Variants in LRRC41 observed in about 807,000 individuals in gnomAD.
LRRC41 encodes the protein leucine rich repeat containing 41, also known as leucine-rich repeat-containing protein 41.
LRRC41 carries 17 observed loss-of-function variants against 72.1 expected under a neutral mutation model. That is an observed-to-expected ratio of 0.24 (90% CI 0.16 to 0.35). The LOEUF (loss-of-function observed/expected upper bound fraction) is 0.35, where lower values mean the gene tolerates loss of function less well. Among genes scored for constraint, LRRC41 ranks in the 10% least tolerant of loss-of-function variants. The probability of loss-of-function intolerance (pLI) is 1.00; values close to 1 mark genes in which losing one functional copy is unlikely to be tolerated. For missense variants in LRRC41, 759 were observed against 1,065.0 expected, an observed-to-expected ratio of 0.71 and a Z score of 4.00; for synonymous variants, 427 against 431.0, an observed-to-expected ratio of 0.99 and a Z score of 0.11.
chr1:46,280,377 C>T lies in LRRC41; in HGVS notation c.1921+19G>A. On this transcript the variant is annotated intron_variant, in intron 6 of 9. Transcript: ENST00000617190. ...TCCCCACCTACTCCTCTCCCTTCACCATTCTGGCTGGGTCCTACCTTTGAG... is the reference window on the plus strand; with the variant it reads ...TCCCCACCTACTCCTCTCCCTTCACTATTCTGGCTGGGTCCTACCTTTGAG... 1 of 1,614,150 alleles carries T rather than the reference C, an allele frequency of 6.2e-7. No individual in the cohort carries two copies. The highest frequency in any genetic ancestry group is 8.5e-7 in the Non-Finnish European group (1 of 1,180,020).
chr1:46,285,300 A>G lies in LRRC41; in HGVS notation c.1495+62T>C, dbSNP rs1387435564. On this transcript the variant is annotated intron_variant, in intron 4 of 9. Transcript: ENST00000617190. This position sits in a 1 kb window ranked among gnomAD's most constrained non-coding sequence, Gnocchi z 5.3. ...TTGCCCCTCCCACCTCCCTAGAATT[A>G]GGCACACAGCTGGTGCTGCTAGGCA... 7.0e-6 allele frequency: 11 copies of G among 1,563,056 alleles called. No individual in the cohort carries two copies. Among genetic ancestry groups the G allele is most frequent in the Non-Finnish European group, 9.6e-6 (11 of 1,146,468 alleles).
At chr1:46,298,450 C>T in intron 1 of LRRC41, 80 bp from the exon 2 acceptor site, 1 of 795,732 alleles carries the variant, frequency 1.3e-6, no homozygotes, top group Non-Finnish European at 2.0e-6. Context: ...ATTTATTCTA[C>T]TGGAAAGGAA....
chr1:46,302,860 CT>C lies in LRRC41; in HGVS notation c.199+263del. 6 of 985,440 alleles carry C rather than the reference CT, an allele frequency of 6.1e-6. No homozygotes were observed. Among genetic ancestry groups the C allele is most frequent in the Non-Finnish European group, 7.2e-6 (6 of 829,906 alleles). The allele number at this position is 985,440 out of a possible 1,614,324, so 61.0% of individuals were successfully genotyped here. ...GCCTCAGTCGCCCGGGCCCAGCCTGCTTCGCTCCAGACCGGGCCTCCTGGCC... is the reference window on the plus strand; with the variant it reads ...GCCTCAGTCGCCCGGGCCCAGCCTGCTCGCTCCAGACCGGGCCTCCTGGCC... On this transcript the variant is annotated intron_variant, in intron 1 of 9. Coordinates refer to ENST00000617190, the MANE Select transcript of LRRC41 (RefSeq NM_006369.5). The surrounding 1 kb of genome is among the most constrained non-coding windows in gnomAD (Gnocchi z 4.7).
rs1386444740 is a variant in LRRC41 at position 46,303,357 on chromosome 1, G to A, written c.-35C>T. The A allele has an allele frequency of 1.4e-6, 2 of 1,468,806 alleles. No homozygotes were observed. The highest frequency in any genetic ancestry group is 2.6e-5 in the East Asian group (1 of 38,630). The allele number at this position is 1,468,806 out of a possible 1,614,324, so 91.0% of individuals were successfully genotyped here. ...GTGCGCGAGCCCGAGAGTGTCGCCC[G>A]CGGACCGCCATCTTGAAAAGGTCAG... On this transcript the variant is annotated 5_prime_UTR_variant, in exon 1 of 10. Coordinates refer to ENST00000617190, the MANE Select transcript of LRRC41 (RefSeq NM_006369.5).
At position 46,303,067 on chromosome 1, in the gene LRRC41, G is replaced by A. The variant is rs1046984349; in HGVS notation, c.199+57C>T. The stretch of plus-strand genomic sequence containing the variant: ...CCCGGCCTCGCCCCCCGCGCCCCCC[G>A]GCCGCTGGGCCGCCCCTTGCTCTTA... On this transcript the variant is annotated intron_variant, in intron 1 of 9. Transcript: ENST00000617190. 1.1e-4 allele frequency: 136 copies of A among 1,291,334 alleles called. No individual in the cohort carries two copies. In the African/African-American group the frequency reaches 1.7e-3, roughly 16 times the overall value. The allele number at this position is 1,291,334 out of a possible 1,614,324, so 80.0% of individuals were successfully genotyped here.
In LRRC41 at chr1:46,302,189, A is replaced by G. The variant is rs545363044; in HGVS notation, c.199+935T>C. The G allele has an allele frequency of 1.0e-6, 1 of 980,580 alleles. No homozygotes were observed. Among genetic ancestry groups the G allele is most frequent in the African/African-American group, 1.8e-5 (1 of 55,406 alleles). The allele number at this position is 980,580 out of a possible 1,614,324, so 60.7% of individuals were successfully genotyped here. ...GCCTTCAGGCCTGGGGCCCCCGTTC[A>G]CTCCCATTCAGCCCAAGGCCTCTTG... On this transcript the variant is annotated intron_variant, in intron 1 of 9. Coordinates refer to ENST00000617190, the MANE Select transcript of LRRC41 (RefSeq NM_006369.5). This position sits in a 1 kb window ranked among gnomAD's most constrained non-coding sequence, Gnocchi z 4.7.
At chr1:46,287,918 T>C (rs902687285) in intron 3 of LRRC41, among the ~76,000 whole-genome samples, 3 of 152,316 alleles carry the variant, frequency 2.0e-5, no homozygotes, top group Middle Eastern at 6.8e-3. Flanking sequence ...TTTTGACGGA[T>C]AGGAAATCTC....
chr1:46,294,667 T>A (rs1661088508), intron 3 of LRRC41, among the ~76,000 whole-genome samples: 1 of 147,816 alleles, frequency 6.8e-6, no homozygotes. Context: ...TGATCTTGGC[T>A]CACTGCAACC....
At chr1:46,303,086 G>T in intron 1 of LRRC41, 38 bp downstream of exon 1, 35 of 1,349,444 alleles carry the variant, frequency 2.6e-5, no homozygotes, top group Non-Finnish European at 3.3e-5. Flanking sequence ...GCCGCCCCTT[G>T]CTCTTAGCCA....
chr1:46,281,432 A>G (rs1471438547), intron 4 of LRRC41, 47 bp from the exon 5 acceptor site: 2 of 1,585,066 alleles, frequency 1.3e-6, no homozygotes, highest in East Asian at 4.5e-5. Context: ...GAGTGTCAGC[A>G]GGGGTAATAT....
chr1:46,278,147 G>A lies in LRRC41; in HGVS notation c.*718C>T. Reference sequence around the variant, plus strand: ...ATGGTTCTGACTGCACTTCAGACCTGGCAGGGTGGAACCACTGCACTGATA... The same window carrying A: ...ATGGTTCTGACTGCACTTCAGACCTAGCAGGGTGGAACCACTGCACTGATA... On this transcript the variant is annotated 3_prime_UTR_variant, in exon 10 of 10. Coordinates refer to ENST00000617190, the MANE Select transcript of LRRC41 (RefSeq NM_006369.5). 3.1e-6 allele frequency: 5 copies of A among 1,613,778 alleles called. No individual in the cohort carries two copies. Among genetic ancestry groups the A allele is most frequent in the Non-Finnish European group, 4.2e-6 (5 of 1,179,878 alleles).
At chr1:46,300,961 A>G (rs886815406) in intron 1 of LRRC41, among the ~76,000 whole-genome samples, 2 of 152,040 alleles carry the variant, frequency 1.3e-5, no homozygotes, top group Non-Finnish European at 2.9e-5. Context: ...TCTCCTCTCA[A>G]CTTGGCTGGG....
rs3753361 is a variant in LRRC41, at chr1:46,302,522, C to T, written c.199+602G>A. The T allele has an allele frequency of 2.7e-5, 27 of 985,400 alleles. No homozygotes were observed. In the East Asian group the frequency reaches 2.6e-3, roughly 95 times the overall value. The allele number at this position is 985,400 out of a possible 1,614,324, so 61.0% of individuals were successfully genotyped here. A position where few individuals can be genotyped will look rare whatever the true frequency, so the allele number is the denominator to read the frequency against. On this transcript the variant is annotated intron_variant, in intron 1 of 9. Coordinates refer to ENST00000617190, the MANE Select transcript of LRRC41 (RefSeq NM_006369.5). The surrounding 1 kb of genome is among the most constrained non-coding windows in gnomAD (Gnocchi z 4.7). ...CTGGGCCGTCAGACAGGCCGCGGCGCCCCGACCCTTTCGTTCGGCCTCTCC... is the reference window on the plus strand; with the variant it reads ...CTGGGCCGTCAGACAGGCCGCGGCGTCCCGACCCTTTCGTTCGGCCTCTCC...
chr1:46,285,278 C>T lies in LRRC41; in HGVS notation c.1495+84G>A, dbSNP rs748141155. ...ACCTCCTGATCATACCCCCAATTTG[C>T]CCCTCCCACCTCCCTAGAATTAGGC... is the stretch of plus-strand genomic sequence containing the variant. On this transcript the variant is annotated intron_variant, in intron 4 of 9. Transcript: ENST00000617190. The surrounding 1 kb of genome is among the most constrained non-coding windows in gnomAD (Gnocchi z 5.3). 2.8e-6 allele frequency: 4 copies of T among 1,424,972 alleles called. No individual in the cohort carries two copies. The East Asian group carries it at 7.4e-5, about 26-fold the overall frequency. 88.3% of individuals were successfully genotyped at this position (1,424,972 alleles called of 1,614,324 possible).
Position 46,285,091 on chromosome 1 carries a change from C to A in LRRC41, c.1495+271G>T. 1 of 500,190 alleles carries A rather than the reference C, an allele frequency of 2.0e-6. No homozygotes were observed. Among genetic ancestry groups the A allele is most frequent in the African/African-American group, 1.9e-5 (1 of 51,984 alleles). 31.0% of individuals were successfully genotyped at this position (500,190 alleles called of 1,614,324 possible). ...CTCCCACCTGCCCTTGGACTGCCTT[C>A]CATATCTAAAATGTATTCATTCTTC... On this transcript the variant is annotated intron_variant, in intron 4 of 9. Transcript: ENST00000617190. This position sits in a 1 kb window ranked among gnomAD's most constrained non-coding sequence, Gnocchi z 5.3.
At chr1:46,282,961 T>C (rs1249364770) in intron 4 of LRRC41, among the ~76,000 whole-genome samples, 2 of 148,214 alleles carry the variant, frequency 1.3e-5, no homozygotes, top group African/African-American at 2.5e-5. Flanking sequence ...GAGGCGGAGG[T>C]TGCAGTAAGC....
chr1:46,281,093 GCA>G (rs986815965), intron 5 of LRRC41, 30 bp downstream of exon 5: 4 of 1,609,338 alleles, frequency 2.5e-6, no homozygotes, highest in Non-Finnish European at 3.4e-6. Context: ...ACACGTGCGT[GCA>G]CACACACAAA....
Position 46,303,385 on chromosome 1 carries a change from G to C in LRRC41, c.-63C>G. ...GACCGCCATCTTGAAAAGGTCAGCA[G>C]TTAGGACGGCTCCATAAGCGATATG... On this transcript the variant is annotated 5_prime_UTR_variant, in exon 1 of 10. Transcript: ENST00000617190. 1 of 1,401,148 alleles carries C rather than the reference G, an allele frequency of 7.1e-7. No homozygotes were observed. Among genetic ancestry groups the C allele is most frequent in the Non-Finnish European group, 9.4e-7 (1 of 1,060,832 alleles). 86.8% of individuals were successfully genotyped at this position (1,401,148 alleles called of 1,614,324 possible).
intron 3 of LRRC41, among the ~76,000 whole-genome samples, chr1:46,290,317 G>A (rs562939154): frequency 6.6e-6 from 1 of 152,276 alleles, no homozygotes; most frequent in Admixed American, 6.5e-5. Flanking sequence ...GCTGAGGTGG[G>A]AGGATCGCCT....
Sources: gnomAD v4.1 joint callset for allele counts (sites outside exome capture counted in the v4.1 genomes callset) on GRCh38, gnomAD v4.1.1 for gene constraint, Gnocchi (gnomAD v3.1) non-coding constraint, MANE v1.5 for transcripts, NCBI Gene and HGNC (gene_info 2026-07-23, HGNC 2026-07-21) for gene names.